Variants in POLB observed in about 807,000 individuals in gnomAD.
POLB encodes 5'-dRP lyase.
A neutral mutation model predicts 52.7 loss-of-function variants in POLB; 37 were observed. The ratio of observed to expected loss-of-function variants is 0.70; its 90% CI spans 0.54 to 0.92. POLB has a LOEUF of 0.92. POLB is among the 40% of genes least tolerant of loss of function. POLB has a pLI of 0.00. For synonymous variants in POLB, 138 were observed against 131.3 expected (o/e 1.05, Z -0.35); for missense variants, 313 against 400.8 (o/e 0.78, Z 1.87).
chr8:42,366,439 G>T (rs1824042273), intron 11 of POLB, among the ~76,000 whole-genome samples: 2 of 152,264 alleles, frequency 1.3e-5, no homozygotes, highest in African/African-American at 4.8e-5. Context: ...GTGACAATAA[G>T]AACAAGAAAC....
chr8:42,342,633 A>G (rs1270005657), intron 2 of POLB: 2 of 635,810 alleles, frequency 3.1e-6, no homozygotes, highest in Non-Finnish European at 2.8e-6. Flanking sequence ...AACAAAGTCC[A>G]TCCTGTGGAA....
intron 10 of POLB, 177 bp downstream of exon 10, chr8:42,361,542 A>G (rs1353155511): frequency 1.5e-5 from 9 of 596,188 alleles, no homozygotes; most frequent in East Asian, 5.6e-5. Flanking sequence ...GATACCTATT[A>G]TTCTTCCATG....
At chr8:42,362,089 C>T (rs1823731152) in intron 10 of POLB, among the ~76,000 whole-genome samples, 1 of 151,840 alleles carries the variant, frequency 6.6e-6, no homozygotes, top group African/African-American at 2.4e-5. Context: ...GGTGAAACCC[C>T]GTCTCCACTA....
rs141308011 is a variant in POLB at position 42,368,558 on chromosome 8, G to A, written c.709-713G>A. ...TTGTTTTACATATGTATGGGTTGCT[G>A]ACCAGTCCAGATTTTTTGTCCATTT... On this transcript the variant is annotated intron_variant, in intron 11 of 13. Transcript: ENST00000265421. 3.9e-4 allele frequency among the ~76,000 whole-genome samples: 59 copies of A among 152,224 alleles called. 1 individual carries two copies. The East Asian group carries it at 0.011, about 28-fold the overall frequency.
intron 6 of POLB, among the ~76,000 whole-genome samples, chr8:42,353,925 TTAG>T (rs1477213085): frequency 6.9e-6 from 1 of 145,810 alleles, no homozygotes; most frequent in African/African-American, 2.5e-5. Context: ...TGAGGCATGA[TTAG>T]TAGTATTACT....
chr8:42,363,379 T>A (rs918720285), intron 11 of POLB, among the ~76,000 whole-genome samples: 17 of 151,256 alleles, frequency 1.1e-4, no homozygotes, highest in African/African-American at 3.9e-4. Context: ...ATACAAAAAA[T>A]TAGCTGGGCG....
chr8:42,360,580 G>GA (rs759381994), intron 9 of POLB, among the ~76,000 whole-genome samples: 2 of 151,436 alleles, frequency 1.3e-5, no homozygotes, highest in African/African-American at 2.4e-5. Context: ...TTGCAACACT[G>GA]AAAAAAAAGT....
intron 11 of POLB, 122 bp from the exon 12 acceptor site, chr8:42,369,149 A>G: frequency 8.3e-6 from 5 of 604,708 alleles, no homozygotes; most frequent in Non-Finnish European, 1.2e-5. Flanking sequence ...TGCTAAGTTA[A>G]AAGTGCTCAG....
At position 42,349,989 on chromosome 8, in the gene POLB, C is replaced by CTT; in HGVS notation, c.262-9_262-8dup. On this transcript the variant is annotated splice_polypyrimidine_tract_variant and intron_variant, in intron 4 of 13. Transcript: ENST00000265421. The stretch of plus-strand genomic sequence containing the variant: ...AAAGCATTCCTAAATCATTGTTAGA[C>CTT]TTTTTTTTTTCTTAAAGATTCGGCA... 3.9e-5 allele frequency: 56 copies of CTT among 1,422,732 alleles called. No individual in the cohort carries two copies. Among genetic ancestry groups the CTT allele is most frequent in the African/African-American group, 5.7e-5 (4 of 70,288 alleles). The allele number at this position is 1,422,732 out of a possible 1,614,324, so 88.1% of individuals were successfully genotyped here. A position where few individuals can be genotyped will look rare whatever the true frequency, so the allele number is the denominator to read the frequency against.
At chr8:42,348,129 ATG>A (rs960488836) in intron 3 of POLB, among the ~76,000 whole-genome samples, 4 of 152,226 alleles carry the variant, frequency 2.6e-5, no homozygotes, top group Admixed American at 2.0e-4. Flanking sequence ...CTTTGTCAGA[ATG>A]TATATATCGT....
At chr8:42,351,978 A>G (rs558559056) in intron 5 of POLB, among the ~76,000 whole-genome samples, 1 of 152,158 alleles carries the variant, frequency 6.6e-6, no homozygotes, top group Non-Finnish European at 1.5e-5. Flanking sequence ...TTTTCCCGAA[A>G]CGTTTTTCTC....
chr8:42,356,547 T>C (rs1218080594), intron 7 of POLB, among the ~76,000 whole-genome samples: 2 of 152,198 alleles, frequency 1.3e-5, no homozygotes, highest in Non-Finnish European at 2.9e-5. Context: ...TTTTAGGACA[T>C]TTTTGTTATC....
chr8:42,344,805 C>T, intron 2 of POLB, 148 bp from the exon 3 acceptor site: 1 of 564,886 alleles, frequency 1.8e-6, no homozygotes, highest in Non-Finnish European at 3.1e-6. Context: ...CAGAGGGAGA[C>T]TGTCTCAAAA....
At chr8:42,342,507 T>G in intron 2 of POLB, 2 of 948,154 alleles carry the variant, frequency 2.1e-6, no homozygotes, top group Non-Finnish European at 3.4e-6. Flanking sequence ...GTGTGTTGTA[T>G]TTATTTTTAT....
intron 2 of POLB, chr8:42,342,537 C>T (rs1175905672): frequency 1.2e-6 from 1 of 808,190 alleles, no homozygotes; most frequent in Admixed American, 1.7e-5. Flanking sequence ...CCAAGCGTTT[C>T]TGAGCATAGT....
At chr8:42,341,940 CCTT>C (rs1406023649) in intron 2 of POLB, 17 of 687,996 alleles carry the variant, frequency 2.5e-5, no homozygotes, top group Non-Finnish European at 4.0e-5. Flanking sequence ...GCTTTCATCT[CCTT>C]CATCATGTCT....
chr8:42,361,459 G>GT (rs1452344795), intron 10 of POLB, 94 bp downstream of exon 10: 2 of 907,220 alleles, frequency 2.2e-6, no homozygotes, highest in Non-Finnish European at 3.6e-6. Context: ...AATAAGTTTT[G>GT]TTTTCGCCTT....
At position 42,371,631 on chromosome 8, in the gene POLB, C is replaced by T. The variant is rs143942282; in HGVS notation, c.982C>T (p.Arg328Trp). Residue 328 changes from arginine (R) to tryptophan (W), a missense_variant, in exon 14 of 14, where the codon CGG (arginine) becomes TGG (tryptophan). By Grantham distance (101) the Arg-to-Trp change is moderately radical. Transcript: ENST00000265421. ...CTTTGATTACATCCAGTGGAAATAC[C>T]GGGAACCCAAGGACCGGAGCGAATG... ...DIFDYIQWKY[R>W]EPKDRSE The T allele has an allele frequency of 6.8e-6, 11 of 1,611,594 alleles. No individual in the cohort carries two copies. Among genetic ancestry groups the T allele is most frequent in the South Asian group, 3.3e-5 (3 of 91,036 alleles).
chr8:42,371,541 G>GT (rs2307163), intron 13 of POLB, 22 bp from the exon 14 acceptor site: 165,126 of 1,462,950 alleles, frequency 0.11, 21,225 homozygotes, highest in African/African-American at 0.63. Context: ...CTTACAATAA[G>GT]TTTTTCTCTC....
Sources: allele counts gnomAD v4.1 joint callset (sites outside exome capture counted in the v4.1 genomes callset), GRCh38; gene constraint gnomAD v4.1.1; transcripts MANE v1.5; gene names NCBI Gene and HGNC (gene_info 2026-07-23, HGNC 2026-07-21).